FAM168A: variants seen among roughly 807,000 people sequenced by gnomAD.
The protein encoded by FAM168A is protein FAM168A.
In FAM168A, 3 loss-of-function variants were observed where a neutral mutation model predicts 28.5. The observed-to-expected ratio is 0.11, with a 90% CI of 0.05 to 0.27. FAM168A has a LOEUF of 0.27. Ranked by LOEUF, FAM168A falls within the 10% of genes least tolerant of loss-of-function variation. The probability of loss-of-function intolerance (pLI) is 1.00; values close to 1 mark genes in which losing one functional copy is unlikely to be tolerated. For synonymous variants in FAM168A, 122 were observed against 124.2 expected (o/e 0.98, Z 0.12); for missense variants, 222 against 311.5 (o/e 0.71, Z 2.16).
chr11:73,447,535 AAC>A (rs1212367574), intron 2 of FAM168A, among the ~76,000 whole-genome samples: 1 of 150,478 alleles, frequency 6.6e-6, no homozygotes, highest in Admixed American at 6.6e-5. Context: ...CAGCCTGGGC[AAC>A]AGAGTGTAAG....
In FAM168A at chr11:73,401,080, TTTATTATTATTA is replaced by T. The variant is rs34089809; in HGVS notation, c.*5671_*5682del. 2.0e-5 allele frequency: 3 copies of T among 146,584 alleles called. No individual in the cohort carries two copies. The highest frequency in any genetic ancestry group is 6.8e-5 in the Admixed American group (1 of 14,680). 9.1% of individuals were successfully genotyped at this position (146,584 alleles called of 1,614,324 possible). A position where few individuals can be genotyped will look rare whatever the true frequency, so the allele number is the denominator to read the frequency against. ...CTACTTGGAAGACACTGGTCAAAGG[TTTATTATTATTA>T]TTATTATTATTATTATTATTTTAAA... On this transcript the variant is annotated 3_prime_UTR_variant, in exon 8 of 8. Transcript: ENST00000356467.
intron 3 of FAM168A, among the ~76,000 whole-genome samples, chr11:73,424,496 C>T (rs566549439): frequency 2.2e-4 from 33 of 151,086 alleles, no homozygotes; most frequent in Admixed American, 1.6e-3. Flanking sequence ...AGCACGCTGC[C>T]CCCCCCACCT....
At position 73,539,929 on chromosome 11, in the gene FAM168A, G is replaced by A. The variant is rs1206313200; in HGVS notation, c.-19+57994C>T. 2.6e-5 allele frequency among the ~76,000 whole-genome samples: 4 copies of A among 152,330 alleles called. No homozygotes were observed. The East Asian group carries it at 7.7e-4, about 29-fold the overall frequency. On this transcript the variant is annotated intron_variant, in intron 1 of 7. Transcript: ENST00000356467. Reference sequence around the variant, plus strand: ...GATCAGCAGGAAGCCTGACAGGGAAGCACCAGAGTAGAGCTAGTATCCAGT... The same window carrying A: ...GATCAGCAGGAAGCCTGACAGGGAAACACCAGAGTAGAGCTAGTATCCAGT...
chr11:73,460,527 A>T (rs964369412), intron 2 of FAM168A, among the ~76,000 whole-genome samples: 1 of 142,324 alleles, frequency 7.0e-6, no homozygotes, highest in Non-Finnish European at 1.5e-5. Context: ...TTTTTGAGAC[A>T]AAGTCTCACT....
At chr11:73,516,099 T>TA (rs1565279510) in intron 1 of FAM168A, among the ~76,000 whole-genome samples, 11,150 of 121,424 alleles carry the variant, frequency 0.092, 922 homozygotes, top group African/African-American at 0.23. Context: ...GACTCTGCCT[T>TA]TAAAAAAAAA....
At chr11:73,439,217 G>A (rs1225099736) in intron 2 of FAM168A, among the ~76,000 whole-genome samples, 1 of 152,136 alleles carries the variant, frequency 6.6e-6, no homozygotes, top group Admixed American at 6.5e-5. Flanking sequence ...TTCCACTGGC[G>A]AGCTGCAGGG....
intron 2 of FAM168A, among the ~76,000 whole-genome samples, chr11:73,445,541 C>T (rs756440879): frequency 9.4e-5 from 13 of 138,736 alleles, no homozygotes; most frequent in Admixed American, 8.1e-4. Flanking sequence ...GCTGGGATTA[C>T]AGGAATGAGC....
At chr11:73,488,663 C>G (rs995938044) in intron 1 of FAM168A, among the ~76,000 whole-genome samples, 5 of 152,170 alleles carry the variant, frequency 3.3e-5, no homozygotes, top group Admixed American at 6.5e-5. Context: ...CGTGGATGAA[C>G]AGTCCACGTT....
At chr11:73,597,589 A>C in intron 1 of FAM168A, among the ~76,000 whole-genome samples, 1 of 148,870 alleles carries the variant, frequency 6.7e-6, no homozygotes, top group South Asian at 2.2e-4. Context: ...ATTAAAAGCC[A>C]TCCCACCCTA....
intron 1 of FAM168A, among the ~76,000 whole-genome samples, chr11:73,539,446 T>C (rs1396446318): frequency 6.6e-6 from 1 of 152,064 alleles, no homozygotes; most frequent in Non-Finnish European, 1.5e-5. Context: ...ATTTTTTGTA[T>C]TTTTAGTACA....
At chr11:73,471,350 A>G (rs1206366187) in intron 1 of FAM168A, among the ~76,000 whole-genome samples, 3 of 152,194 alleles carry the variant, frequency 2.0e-5, no homozygotes, top group African/African-American at 7.2e-5. Flanking sequence ...AACAAAAAAC[A>G]TAATTTGTAA....
At chr11:73,417,006 G>A (rs565018857) in intron 4 of FAM168A, among the ~76,000 whole-genome samples, 1 of 152,244 alleles carries the variant, frequency 6.6e-6, no homozygotes, top group South Asian at 2.1e-4. Context: ...AGCCTGTCTG[G>A]GAGGGAACAG....
chr11:73,581,822 G>A (rs1168935856), intron 1 of FAM168A, among the ~76,000 whole-genome samples: 3 of 152,000 alleles, frequency 2.0e-5, no homozygotes, highest in East Asian at 1.9e-4. Flanking sequence ...GGGTTCAAGC[G>A]ATTATCCTGC....
chr11:73,448,435 T>C (rs1224673808), intron 2 of FAM168A, among the ~76,000 whole-genome samples: 1 of 152,252 alleles, frequency 6.6e-6, no homozygotes, highest in Non-Finnish European at 1.5e-5. Context: ...CCATTACCTT[T>C]ATTGTATAGA....
At position 73,468,489 on chromosome 11, in the gene FAM168A, G is replaced by A. The variant is rs765744196; in HGVS notation, c.-15C>T. On this transcript the variant is annotated 5_prime_UTR_variant, in exon 2 of 8. Coordinates refer to ENST00000356467, the MANE Select transcript of FAM168A (RefSeq NM_015159.3). ...ACAGGGTTCATTGTGGAAGACTGAG[G>A]ATCCTACAGAGAAAACAAAGAAAAC... The A allele has an allele frequency of 6.2e-7, 1 of 1,612,876 alleles. No individual in the cohort carries two copies. Among genetic ancestry groups the A allele is most frequent in the Non-Finnish European group, 8.5e-7 (1 of 1,179,182 alleles).
chr11:73,413,243 G>A (rs1455931298), intron 4 of FAM168A, among the ~76,000 whole-genome samples: 2 of 152,000 alleles, frequency 1.3e-5, no homozygotes, highest in East Asian at 1.9e-4. Context: ...CTGGATTCAC[G>A]TCATTTATTT....
intron 2 of FAM168A, among the ~76,000 whole-genome samples, chr11:73,460,818 T>G (rs1867633814): frequency 1.3e-5 from 2 of 152,152 alleles, no homozygotes. Flanking sequence ...AAAGCACTTT[T>G]GAAGTAAGCA....
intron 1 of FAM168A, among the ~76,000 whole-genome samples, chr11:73,551,588 C>T (rs953718639): frequency 6.6e-6 from 1 of 152,222 alleles, no homozygotes; most frequent in Admixed American, 6.5e-5. Flanking sequence ...TCTTCTCTTT[C>T]CCACTGCACA....
At chr11:73,446,570 T>C (rs1867319759) in intron 2 of FAM168A, among the ~76,000 whole-genome samples, 1 of 152,208 alleles carries the variant, frequency 6.6e-6, no homozygotes, top group Non-Finnish European at 1.5e-5. Flanking sequence ...CCATGCAACC[T>C]GTCACCTTTG....
Sources: gnomAD v4.1 joint callset for allele counts (sites outside exome capture counted in the v4.1 genomes callset) on GRCh38, gnomAD v4.1.1 for gene constraint, MANE v1.5 for transcripts, NCBI Gene and HGNC (gene_info 2026-07-23, HGNC 2026-07-21) for gene names.